ADAMTSL1: variants seen among roughly 807,000 people sequenced by gnomAD.
ADAMTSL1 encodes ADAMTS-like protein 1.
Under a neutral mutation model 201.8 loss-of-function variants are expected in ADAMTSL1, and 126 were observed. The observed-to-expected ratio is 0.62, with a 90% CI of 0.54 to 0.72. ADAMTSL1 has a LOEUF of 0.72. ADAMTSL1 is among the 30% of genes least tolerant of loss of function. The probability of loss-of-function intolerance (pLI) is 0.00; values close to 1 mark genes in which losing one functional copy is unlikely to be tolerated. For synonymous variants in ADAMTSL1, 1,121 were observed against 903.4 expected (o/e 1.24, Z -4.32); for missense variants, 2,679 against 2,277.8 (o/e 1.18, Z -3.59).
intron 1 of ADAMTSL1, among the ~76,000 whole-genome samples, chr9:18,121,406 C>A (rs561947223): frequency 3.9e-4 from 60 of 152,270 alleles, no homozygotes; most frequent in African/African-American, 1.3e-3. Flanking sequence ...GAAATACCCA[C>A]CCACAATTTC....
intron 1 of ADAMTSL1, among the ~76,000 whole-genome samples, chr9:18,010,091 G>A (rs139531697): frequency 8.3e-4 from 126 of 152,092 alleles, no homozygotes; most frequent in African/African-American, 2.7e-3. Flanking sequence ...ACCCATGGGG[G>A]CAGTCTAGAA....
At chr9:18,578,655 G>T in intron 4 of ADAMTSL1, among the ~76,000 whole-genome samples, 1 of 152,182 alleles carries the variant, frequency 6.6e-6, no homozygotes, top group East Asian at 1.9e-4. Context: ...GTAATCAAGT[G>T]CATTTAAAGT....
rs150939330 is a variant in ADAMTSL1 at position 18,692,023 on chromosome 9, C to G, written c.1574+7223C>G. The stretch of plus-strand genomic sequence containing the variant: ...GCCTCATACATCTTGTATCTAATGG[C>G]ATTTGAGAGAGAACAACAATATTTA... On this transcript the variant is annotated intron_variant, in intron 13 of 28. Transcript: ENST00000380548. Among the ~76,000 whole-genome samples the G allele has an allele frequency of 3.9e-5, 6 of 152,230 alleles. No homozygotes were observed. The East Asian group carries it at 1.2e-3, about 29-fold the overall frequency.
intron 2 of ADAMTSL1, among the ~76,000 whole-genome samples, chr9:18,232,513 T>A (rs552798566): frequency 6.6e-6 from 1 of 152,378 alleles, no homozygotes; most frequent in South Asian, 2.1e-4. Flanking sequence ...TGTCCCTTTT[T>A]TTCGCTGATG....
chr9:18,143,330 T>C (rs757231126), intron 1 of ADAMTSL1, among the ~76,000 whole-genome samples: 21 of 152,180 alleles, frequency 1.4e-4, no homozygotes, highest in African/African-American at 2.9e-4. Flanking sequence ...TTGGTTCTAA[T>C]TGAAGGATTT....
intron 13 of ADAMTSL1, among the ~76,000 whole-genome samples, chr9:18,696,704 A>G (rs1831570798): frequency 1.3e-5 from 2 of 152,138 alleles, no homozygotes; most frequent in South Asian, 2.1e-4. Flanking sequence ...CCAGAGTTCA[A>G]GTCCTGACAA....
intron 14 of ADAMTSL1, among the ~76,000 whole-genome samples, chr9:18,716,713 T>C (rs1389622286): frequency 2.8e-4 from 41 of 146,510 alleles, no homozygotes; most frequent in Non-Finnish European, 2.9e-4. Context: ...AGAAATACCA[T>C]TTGATCCAGC....
intron 7 of ADAMTSL1, among the ~76,000 whole-genome samples, chr9:18,652,873 C>A (rs930018303): frequency 7.9e-5 from 12 of 152,172 alleles, no homozygotes; most frequent in African/African-American, 2.4e-4. Flanking sequence ...TGACACCCAG[C>A]CTGTTTCTAG....
At chr9:18,696,416 A>C (rs1564158690) in intron 13 of ADAMTSL1, among the ~76,000 whole-genome samples, 2 of 152,218 alleles carry the variant, frequency 1.3e-5, no homozygotes, top group African/African-American at 4.8e-5. Context: ...GGAGATGAAG[A>C]TGGAAAATGC....
At chr9:18,508,966 T>G (rs1046280511) in intron 2 of ADAMTSL1, among the ~76,000 whole-genome samples, 2 of 94,402 alleles carry the variant, frequency 2.1e-5, no homozygotes, top group African/African-American at 1.0e-4. Flanking sequence ...GGGTGGATCA[T>G]GAGGTCAGGA....
intron 3 of ADAMTSL1, among the ~76,000 whole-genome samples, chr9:18,562,117 C>G (rs61084386): frequency 0.012 from 1,820 of 152,270 alleles, 41 homozygotes; most frequent in African/African-American, 0.042. Flanking sequence ...TTCATAGTGT[C>G]AATGGTGTTC....
intron 2 of ADAMTSL1, among the ~76,000 whole-genome samples, chr9:18,391,173 G>A (rs1838029755): frequency 6.6e-6 from 1 of 151,990 alleles, no homozygotes; most frequent in Non-Finnish European, 1.5e-5. Flanking sequence ...TAAAACACTG[G>A]GGACACTTTT....
intron 1 of ADAMTSL1, among the ~76,000 whole-genome samples, chr9:18,088,768 C>CT (rs1823875924): frequency 6.6e-6 from 1 of 152,084 alleles, no homozygotes; most frequent in African/African-American, 2.4e-5. Flanking sequence ...AAATTGAAAC[C>CT]TTAGTACAAT....
intron 2 of ADAMTSL1, among the ~76,000 whole-genome samples, chr9:18,199,796 A>G (rs969795506): frequency 3.3e-5 from 5 of 152,122 alleles, no homozygotes; most frequent in African/African-American, 1.2e-4. Flanking sequence ...ATTCTTCATT[A>G]TTGGTAAAAT....
At chr9:18,841,408 GC>G (rs1269698926) in intron 23 of ADAMTSL1, among the ~76,000 whole-genome samples, 2 of 151,622 alleles carry the variant, frequency 1.3e-5, no homozygotes, top group Non-Finnish European at 3.0e-5. Flanking sequence ...TGGTGGATAA[GC>G]TTTTTGATGT....
chr9:18,703,226 A>G (rs1832028103), intron 13 of ADAMTSL1, among the ~76,000 whole-genome samples: 1 of 152,104 alleles, frequency 6.6e-6, no homozygotes, highest in Admixed American at 6.6e-5. Flanking sequence ...ACTTCTAAAC[A>G]TTAGAATTAA....
At chr9:18,405,496 C>T (rs1017546357) in intron 2 of ADAMTSL1, among the ~76,000 whole-genome samples, 1 of 151,994 alleles carries the variant, frequency 6.6e-6, no homozygotes, top group African/African-American at 2.4e-5. Context: ...TGGCATTGGG[C>T]CACCCTGGAA....
chr9:18,678,144 T>A (rs1267560512), intron 10 of ADAMTSL1, among the ~76,000 whole-genome samples: 2 of 152,118 alleles, frequency 1.3e-5, no homozygotes, highest in African/African-American at 2.4e-5. Flanking sequence ...TTATAATTAA[T>A]CTATGCCACT....
intron 3 of ADAMTSL1, among the ~76,000 whole-genome samples, chr9:18,553,061 A>C (rs1025771617): frequency 6.6e-6 from 1 of 151,356 alleles, no homozygotes; most frequent in Non-Finnish European, 1.5e-5. Context: ...TTTTACTTTT[A>C]TAATATTTGC....
Sources: allele counts gnomAD v4.1 joint callset (sites outside exome capture counted in the v4.1 genomes callset), GRCh38; gene constraint gnomAD v4.1.1; transcripts MANE v1.5; gene names NCBI Gene and HGNC (gene_info 2026-07-23, HGNC 2026-07-21).